Variants in BRWD1 observed in about 807,000 individuals in gnomAD.
The protein encoded by BRWD1 is bromodomain and WD repeat-containing protein 1.
Under a neutral mutation model 251.2 loss-of-function variants are expected in BRWD1, and 82 were observed. The observed-to-expected ratio is 0.33, with a 90% CI of 0.27 to 0.39. The LOEUF is 0.39. Among genes scored for constraint, BRWD1 ranks in the 10% least tolerant of loss-of-function variants. The probability of loss-of-function intolerance (pLI) is 1.00; values close to 1 mark genes in which losing one functional copy is unlikely to be tolerated. For missense variants in BRWD1, 2,233 were observed against 2,711.6 expected, an observed-to-expected ratio of 0.82 and a Z score of 3.92; for synonymous variants, 918 against 902.8, an observed-to-expected ratio of 1.02 and a Z score of -0.30.
At chr21:39,227,149 T>G (rs371813225) in intron 27 of BRWD1, among the ~76,000 whole-genome samples, 98 of 152,116 alleles carry the variant, frequency 6.4e-4, no homozygotes, top group African/African-American at 2.3e-3. Context: ...GAGCAAGACC[T>G]TGTGTCCAAA....
chr21:39,283,672 G>A (rs2035542585), intron 8 of BRWD1, among the ~76,000 whole-genome samples: 1 of 152,066 alleles, frequency 6.6e-6, no homozygotes, highest in Non-Finnish European at 1.5e-5. Flanking sequence ...TAAGAGTTGC[G>A]ATTTGTTTTT....
At chr21:39,252,614 T>C (rs1013680160) in intron 19 of BRWD1, among the ~76,000 whole-genome samples, 1 of 152,236 alleles carries the variant, frequency 6.6e-6, no homozygotes, top group Non-Finnish European at 1.5e-5. Context: ...TCACATGAGC[T>C]TTCTTTTAGA....
chr21:39,217,852 A>C (rs1601302726), intron 31 of BRWD1, among the ~76,000 whole-genome samples: 1 of 152,268 alleles, frequency 6.6e-6, no homozygotes, highest in Non-Finnish European at 1.5e-5. Flanking sequence ...GGATAGAAAA[A>C]TTCTCATTAC....
At chr21:39,210,181 T>C in intron 35 of BRWD1, 34 bp from the exon 36 acceptor site, 1 of 1,519,670 alleles carries the variant, frequency 6.6e-7, no homozygotes, top group Non-Finnish European at 9.0e-7. Context: ...ATTCATAGAT[T>C]CATTTCTTGC....
chr21:39,273,421 T>C (rs1415612739), intron 13 of BRWD1, among the ~76,000 whole-genome samples: 3 of 152,192 alleles, frequency 2.0e-5, no homozygotes, highest in Non-Finnish European at 4.4e-5. Flanking sequence ...AAGATCAAAT[T>C]TATTTTGAAA....
chr21:39,313,591 GCCGCCGCC>G lies in BRWD1; in HGVS notation c.-108_-101del. 3.6e-6 allele frequency: 1 copy of G among 275,316 alleles called. No homozygotes were observed. The highest frequency in any genetic ancestry group is 4.9e-6 in the Non-Finnish European group (1 of 202,650). The allele number at this position is 275,316 out of a possible 1,614,324, so 17.1% of individuals were successfully genotyped here. On this transcript the variant is annotated 5_prime_UTR_variant, in exon 1 of 41. It removes the in-frame stop codon of an upstream open reading frame in the 5' UTR. Transcript: ENST00000342449. ...TGGCGTCCCCTCTTCTCAGGCGCGC[GCCGCCGCC>G]GCCGCCGCCGCCGCCATACCGTGCG...
At chr21:39,221,326 ATG>A (rs2033168410) in intron 29 of BRWD1, among the ~76,000 whole-genome samples, 1 of 152,176 alleles carries the variant, frequency 6.6e-6, no homozygotes, top group Non-Finnish European at 1.5e-5. Context: ...TGAAACAAAT[ATG>A]TGATGTAGTT....
intron 12 of BRWD1, among the ~76,000 whole-genome samples, chr21:39,275,648 G>A (rs2035256868): frequency 6.6e-6 from 1 of 152,092 alleles, no homozygotes; most frequent in African/African-American, 2.4e-5. Context: ...ATGTTTATTG[G>A]CTTGATTTAA....
At chr21:39,214,968 T>C (rs966477275) in intron 32 of BRWD1, among the ~76,000 whole-genome samples, 2 of 151,014 alleles carry the variant, frequency 1.3e-5, no homozygotes, top group African/African-American at 4.9e-5. Context: ...TTGGGCTCAC[T>C]GTAACCACCA....
intron 26 of BRWD1, 61 bp downstream of exon 26, chr21:39,229,251 T>C: frequency 1.4e-6 from 2 of 1,393,502 alleles, no homozygotes; most frequent in South Asian, 1.2e-5. Flanking sequence ...ATGCTAATCA[T>C]TCAATCAGCA....
intron 23 of BRWD1, among the ~76,000 whole-genome samples, chr21:39,234,265 C>T (rs114545623): frequency 1.4e-3 from 209 of 152,194 alleles, no homozygotes; most frequent in African/African-American, 4.7e-3. Context: ...GTAATACAGA[C>T]GCTGAATGAA....
chr21:39,251,881 G>T (rs1298913740), intron 19 of BRWD1, among the ~76,000 whole-genome samples: 1 of 152,100 alleles, frequency 6.6e-6, no homozygotes, highest in Non-Finnish European at 1.5e-5. Flanking sequence ...ACTTGACATA[G>T]GTATCATTTT....
rs1460979796 is a variant in BRWD1 at position 39,195,419 on chromosome 21, TG to T, written c.*839del. ...TCCTCTATTTCACAGAGTAAGATTA[TG>T]GAAGAGCAAGATTTTGGTTAAATCC... On this transcript the variant is annotated 3_prime_UTR_variant, in exon 41 of 41. Transcript: ENST00000342449. 24 of 985,540 alleles carry T rather than the reference TG, an allele frequency of 2.4e-5. No individual in the cohort carries two copies. The highest frequency in any genetic ancestry group is 2.9e-5 in the Non-Finnish European group (24 of 829,824). 61.0% of individuals were successfully genotyped at this position (985,540 alleles called of 1,614,324 possible). A position where few individuals can be genotyped will look rare whatever the true frequency, so the allele number is the denominator to read the frequency against.
At chr21:39,247,377 T>C (rs572242526) in intron 21 of BRWD1, among the ~76,000 whole-genome samples, 16 of 152,136 alleles carry the variant, frequency 1.1e-4, no homozygotes, top group Non-Finnish European at 2.2e-4. Flanking sequence ...CACTTACAGG[T>C]TGAGCATGCC....
chr21:39,249,162 T>C (rs1397907427), intron 20 of BRWD1, among the ~76,000 whole-genome samples: 3 of 152,108 alleles, frequency 2.0e-5, no homozygotes, highest in African/African-American at 7.2e-5. Context: ...GAGCCAAGCA[T>C]TGAGTACAGA....
intron 29 of BRWD1, among the ~76,000 whole-genome samples, chr21:39,223,077 G>A (rs1162412245): frequency 6.6e-6 from 1 of 152,054 alleles, no homozygotes; most frequent in Admixed American, 6.6e-5. Flanking sequence ...GAGGGATCCT[G>A]GATTAAAGAC....
chr21:39,244,599 C>G (rs1033993637), intron 21 of BRWD1, among the ~76,000 whole-genome samples: 2 of 152,060 alleles, frequency 1.3e-5, no homozygotes, highest in African/African-American at 4.8e-5. Context: ...TTTTGTATAT[C>G]CTTGACAGTA....
chr21:39,190,330 T>C lies in BRWD1; in HGVS notation c.*5929A>G. On this transcript the variant is annotated 3_prime_UTR_variant, in exon 41 of 41. Coordinates refer to ENST00000342449, the MANE Select transcript of BRWD1 (RefSeq NM_033656.4). Reference sequence around the variant, plus strand: ...TTCAAAGTAAACTGCATATGGTTACTACAGAAGCATTATAAAATTTTCATT... The same window carrying C: ...TTCAAAGTAAACTGCATATGGTTACCACAGAAGCATTATAAAATTTTCATT... 1 of 985,074 alleles carries C rather than the reference T, an allele frequency of 1.0e-6. No homozygotes were observed. The highest frequency in any genetic ancestry group is 1.2e-6 in the Non-Finnish European group (1 of 829,608). 61.0% of individuals were successfully genotyped at this position (985,074 alleles called of 1,614,324 possible). A position where few individuals can be genotyped will look rare whatever the true frequency, so the allele number is the denominator to read the frequency against.
chr21:39,286,634 C>G (rs944805419), intron 8 of BRWD1, among the ~76,000 whole-genome samples: 23 of 151,946 alleles, frequency 1.5e-4, no homozygotes, highest in African/African-American at 5.3e-4. Context: ...CCTGCCTCAG[C>G]CTCCCAAGTA....
Sources: allele counts gnomAD v4.1 joint callset (sites outside exome capture counted in the v4.1 genomes callset), GRCh38; gene constraint gnomAD v4.1.1; transcripts MANE v1.5; gene names NCBI Gene and HGNC (gene_info 2026-07-23, HGNC 2026-07-21).